The following SLC9A9 variants were observed in gnomAD, a reference collection of about 807,000 sequenced individuals.
The protein encoded by SLC9A9 is solute carrier family 9 member A9.
Under a neutral mutation model 77.8 loss-of-function variants are expected in SLC9A9, and 62 were observed. The observed-to-expected ratio is 0.80, with a 90% CI of 0.65 to 0.98. The LOEUF (loss-of-function observed/expected upper bound fraction) is 0.98, where lower values mean the gene tolerates loss of function less well. Ranked by LOEUF, SLC9A9 falls within the 50% of genes least tolerant of loss-of-function variation. The pLI is 0.00. For synonymous variants in SLC9A9, 320 were observed against 283.5 expected (o/e 1.13, Z -1.29); for missense variants, 775 against 774.9 (o/e 1.00, Z 0.00).
At chr3:143,816,201 TA>T in intron 2 of SLC9A9, among the ~76,000 whole-genome samples, 1 of 152,196 alleles carries the variant, frequency 6.6e-6, no homozygotes, top group Non-Finnish European at 1.5e-5. Context: ...ATTGCTTGTA[TA>T]TTTTTACTTT....
At chr3:143,504,126 A>C (rs1054986968) in intron 9 of SLC9A9, 1 of 467,386 alleles carries the variant, frequency 2.1e-6, no homozygotes, top group Non-Finnish European at 4.2e-6. Context: ...GGGTGGAATC[A>C]TACTGAAACA....
At chr3:143,403,344 T>C (rs1559900743) in intron 12 of SLC9A9, among the ~76,000 whole-genome samples, 1 of 152,168 alleles carries the variant, frequency 6.6e-6, no homozygotes, top group African/African-American at 2.4e-5. Flanking sequence ...TTATATCCTA[T>C]AGACACAATT....
intron 5 of SLC9A9, among the ~76,000 whole-genome samples, chr3:143,687,286 G>T (rs1933302325): frequency 6.6e-6 from 1 of 152,084 alleles, no homozygotes; most frequent in Non-Finnish European, 1.5e-5. Flanking sequence ...ATTTTTAAAT[G>T]GCCAAGAAAT....
intron 9 of SLC9A9, among the ~76,000 whole-genome samples, chr3:143,516,428 T>C (rs866532407): frequency 6.6e-6 from 1 of 152,184 alleles, no homozygotes; most frequent in African/African-American, 2.4e-5. Flanking sequence ...CCTCTCACAC[T>C]GGTATCTTAA....
intron 6 of SLC9A9, among the ~76,000 whole-genome samples, chr3:143,610,438 T>A (rs1312856556): frequency 1.3e-5 from 2 of 152,244 alleles, no homozygotes; most frequent in African/African-American, 4.8e-5. Context: ...TGGGCCACTA[T>A]GCTCAGCCCA....
intron 6 of SLC9A9, among the ~76,000 whole-genome samples, chr3:143,646,218 A>G (rs1019686357): frequency 1.3e-5 from 2 of 150,814 alleles, no homozygotes; most frequent in Admixed American, 6.6e-5. Flanking sequence ...TCCACATAAC[A>G]CTTCTGACTC....
At chr3:143,457,045 C>T (rs1245937062) in intron 12 of SLC9A9, among the ~76,000 whole-genome samples, 2 of 151,624 alleles carry the variant, frequency 1.3e-5, no homozygotes, top group African/African-American at 4.8e-5. Context: ...ATGATATTCT[C>T]CTTTCTTGCT....
At chr3:143,411,932 A>T (rs1277515707) in intron 12 of SLC9A9, among the ~76,000 whole-genome samples, 1 of 152,184 alleles carries the variant, frequency 6.6e-6, no homozygotes, top group Non-Finnish European at 1.5e-5. Context: ...CAACAAGCAG[A>T]CAAACTGTTG....
chr3:143,297,939 G>T (rs577729558), intron 14 of SLC9A9, among the ~76,000 whole-genome samples: 1 of 152,268 alleles, frequency 6.6e-6, no homozygotes, highest in African/African-American at 2.4e-5. Flanking sequence ...CAAGTAAATG[G>T]TAACCGTTGG....
At chr3:143,569,881 G>A (rs2037231062) in intron 8 of SLC9A9, among the ~76,000 whole-genome samples, 1 of 147,944 alleles carries the variant, frequency 6.8e-6, no homozygotes, top group Non-Finnish European at 1.5e-5. Flanking sequence ...TCATGTCATA[G>A]CTCATTGCAG....
At chr3:143,622,420 G>T (rs919664506) in intron 6 of SLC9A9, among the ~76,000 whole-genome samples, 13 of 152,110 alleles carry the variant, frequency 8.5e-5, no homozygotes, top group Non-Finnish European at 8.8e-5. Flanking sequence ...TGATCTCTCG[G>T]CAGAAACTCT....
intron 8 of SLC9A9, among the ~76,000 whole-genome samples, chr3:143,568,316 G>A (rs989148179): frequency 3.3e-5 from 5 of 152,080 alleles, no homozygotes; most frequent in South Asian, 4.1e-4. Flanking sequence ...GGTGGGACAC[G>A]TTGATTAGAA....
At chr3:143,518,235 G>T in intron 9 of SLC9A9, 2 of 1,592,246 alleles carry the variant, frequency 1.3e-6, no homozygotes, top group East Asian at 4.5e-5. Context: ...TCCATGGCAG[G>T]GAGGTGGTGG....
intron 12 of SLC9A9, among the ~76,000 whole-genome samples, chr3:143,458,870 C>T (rs1047471428): frequency 2.0e-5 from 3 of 152,068 alleles, no homozygotes; most frequent in Non-Finnish European, 4.4e-5. Flanking sequence ...AGATTCCCTC[C>T]AATACCATTT....
At chr3:143,308,099 C>T (rs914444348) in intron 14 of SLC9A9, among the ~76,000 whole-genome samples, 17 of 152,194 alleles carry the variant, frequency 1.1e-4, no homozygotes, top group African/African-American at 3.9e-4. Flanking sequence ...GTGTGTCTGC[C>T]TCCACCTTCA....
chr3:143,266,627 T>G lies in SLC9A9; in HGVS notation c.*75A>C. On this transcript the variant is annotated 3_prime_UTR_variant, in exon 16 of 16. Coordinates refer to ENST00000316549, the MANE Select transcript of SLC9A9 (RefSeq NM_173653.4). Reference sequence around the variant, plus strand: ...ATGTTTTCCAGCCTCTCCCCTGTACTGCCTCATCAGCTTGGCTTGTATTCC... The same window carrying G: ...ATGTTTTCCAGCCTCTCCCCTGTACGGCCTCATCAGCTTGGCTTGTATTCC... The G allele has an allele frequency of 6.8e-7, 1 of 1,460,908 alleles. No homozygotes were observed. Among genetic ancestry groups the G allele is most frequent in the Non-Finnish European group, 9.6e-7 (1 of 1,045,430 alleles). The allele number at this position is 1,460,908 out of a possible 1,614,324, so 90.5% of individuals were successfully genotyped here.
intron 11 of SLC9A9, among the ~76,000 whole-genome samples, chr3:143,483,311 G>T (rs73008876): frequency 6.6e-6 from 1 of 152,310 alleles, no homozygotes; most frequent in African/African-American, 2.4e-5. Context: ...GGAGGTGGGG[G>T]TGGAGTGTGG....
intron 13 of SLC9A9, among the ~76,000 whole-genome samples, chr3:143,374,346 A>G (rs1212030027): frequency 6.8e-6 from 1 of 147,608 alleles, no homozygotes; most frequent in Non-Finnish European, 1.5e-5. Context: ...AATGGCGTGA[A>G]CCCGGGAGGC....
rs1933914150 is a variant in SLC9A9, at chr3:143,704,804, C to T, written c.534-11497G>A. ...GGTTAGGGGTTCAAGACCAGCCTGA[C>T]CAACATGGAGAAACCCCATCTCTAC... is the stretch of plus-strand genomic sequence containing the variant. On this transcript the variant is annotated intron_variant, in intron 4 of 15. Coordinates refer to ENST00000316549, the MANE Select transcript of SLC9A9 (RefSeq NM_173653.4). 2.0e-5 allele frequency among the ~76,000 whole-genome samples: 3 copies of T among 152,078 alleles called. No individual in the cohort carries two copies. In the South Asian group the frequency reaches 6.2e-4, roughly 32 times the overall value.
Sources: allele counts gnomAD v4.1 joint callset (sites outside exome capture counted in the v4.1 genomes callset), GRCh38; gene constraint gnomAD v4.1.1; transcripts MANE v1.5; gene names NCBI Gene and HGNC (gene_info 2026-07-23, HGNC 2026-07-21).